Variants in VPS53 observed in about 807,000 individuals in gnomAD.
VPS53 encodes VPS53 subunit of GARP complex.
VPS53 carries 70 observed loss-of-function variants against 107.0 expected under a neutral mutation model. That is an observed-to-expected ratio of 0.65 (90% CI 0.54 to 0.80). The LOEUF is 0.80. Ranked by LOEUF, VPS53 falls within the 30% of genes least tolerant of loss-of-function variation. VPS53 has a pLI of 0.00. For synonymous variants in VPS53, 409 were observed against 393.3 expected, an observed-to-expected ratio of 1.04 and a Z score of -0.47; for missense variants, 917 against 1,049.4, an observed-to-expected ratio of 0.87 and a Z score of 1.74.
chr17:679,839 C>T (rs183263351), intron 4 of VPS53, among the ~76,000 whole-genome samples: 9 of 152,202 alleles, frequency 5.9e-5, no homozygotes, highest in African/African-American at 2.2e-4. Flanking sequence ...TGGGAAGCAT[C>T]CCAGTTTGTT....
chr17:574,354 A>G (rs1033988628), intron 13 of VPS53, among the ~76,000 whole-genome samples: 16 of 152,210 alleles, frequency 1.1e-4, no homozygotes, highest in Non-Finnish European at 1.6e-4. Context: ...TATACTTTGT[A>G]TAAATCAAGG....
chr17:628,304 A>G, intron 8 of VPS53, 73 bp from the exon 9 acceptor site: 4 of 1,556,798 alleles, frequency 2.6e-6, no homozygotes, highest in South Asian at 2.3e-5. Context: ...CACAGCCACT[A>G]CTTGTTATCT....
At chr17:680,020 G>A (rs981427588) in intron 4 of VPS53, among the ~76,000 whole-genome samples, 3 of 151,318 alleles carry the variant, frequency 2.0e-5, no homozygotes, top group East Asian at 1.9e-4. Flanking sequence ...ATGGCTGGGC[G>A]CGGTGGCTCA....
At chr17:681,650 G>T (rs1401132643) in intron 4 of VPS53, among the ~76,000 whole-genome samples, 1 of 152,006 alleles carries the variant, frequency 6.6e-6, no homozygotes, top group Non-Finnish European at 1.5e-5. Flanking sequence ...CCAACTCTTT[G>T]TCTATTTAGG....
At chr17:680,212 T>G (rs1040004734) in intron 4 of VPS53, among the ~76,000 whole-genome samples, 7 of 152,182 alleles carry the variant, frequency 4.6e-5, no homozygotes, top group African/African-American at 1.7e-4. Context: ...GAGAATCGCT[T>G]GAACCCAGGA....
chr17:667,972 A>C (rs538882898), intron 4 of VPS53, among the ~76,000 whole-genome samples: 1 of 152,276 alleles, frequency 6.6e-6, no homozygotes, highest in African/African-American at 2.4e-5. Context: ...TCTGAGGTGG[A>C]ACAGTTTCAT....
At chr17:623,371 C>T (rs1969552798) in intron 11 of VPS53, among the ~76,000 whole-genome samples, 162 bp downstream of exon 11, 1 of 152,178 alleles carries the variant, frequency 6.6e-6, no homozygotes, top group South Asian at 2.1e-4. Flanking sequence ...TAAATCCACA[C>T]AGAGTGTTCT....
intron 17 of VPS53, among the ~76,000 whole-genome samples, chr17:545,508 G>A (rs1244893517): frequency 4.6e-5 from 7 of 152,192 alleles, no homozygotes; most frequent in East Asian, 1.9e-4. Flanking sequence ...TCACAAAGTT[G>A]TCCAAGTTTC....
intron 12 of VPS53, among the ~76,000 whole-genome samples, chr17:592,100 GGATA>G (rs1341693106): frequency 6.6e-6 from 1 of 152,138 alleles, no homozygotes; most frequent in Non-Finnish European, 1.5e-5. Flanking sequence ...TATATATTTA[GGATA>G]GTTAGCTCTT....
intron 13 of VPS53, among the ~76,000 whole-genome samples, chr17:562,967 C>T (rs1597305548): frequency 6.6e-6 from 1 of 152,058 alleles, no homozygotes; most frequent in African/African-American, 2.4e-5. Context: ...ATCTCTAAGT[C>T]GATTGACATT....
In VPS53 at chr17:572,294, A is replaced by C. The variant is rs1358214677; in HGVS notation, c.1314-9549T>G. Among the ~76,000 whole-genome samples, 5 of 127,406 alleles carry C rather than the reference A, an allele frequency of 3.9e-5. No homozygotes were observed. The East Asian group carries it at 9.6e-4, about 25-fold the overall frequency. The allele number at this position is 127,406 out of a possible 152,430, so 83.6% of individuals were successfully genotyped here. A position where few individuals can be genotyped will look rare whatever the true frequency, so the allele number is the denominator to read the frequency against. ...GCCGCCCCATCTGAGAAGGGAGGAG[A>C]CCCTCTGCCCGGCAACCGCCCCGTC... On this transcript the variant is annotated intron_variant, in intron 13 of 21. Transcript: ENST00000437048.
Position 695,804 on chromosome 17 carries a change from G to A in VPS53, c.285+1614C>T, listed in dbSNP as rs138502961. Among the ~76,000 whole-genome samples the A allele has an allele frequency of 4.2e-4, 64 of 152,162 alleles. No individual in the cohort carries two copies. In the Middle Eastern group the frequency reaches 0.01, roughly 24 times the overall value. On this transcript the variant is annotated intron_variant, in intron 4 of 21. Coordinates refer to ENST00000437048, the MANE Select transcript of VPS53 (RefSeq NM_001128159.3). ...TAGGCTCAAGTGATCTCCCCGCCTC[G>A]GCCTCCCAAAGTGTTGGGATTGCAG...
At chr17:698,326 G>A (rs1036254261) in intron 3 of VPS53, among the ~76,000 whole-genome samples, 2 of 151,842 alleles carry the variant, frequency 1.3e-5, no homozygotes, top group African/African-American at 4.8e-5. Flanking sequence ...CCAGCTACTT[G>A]GGTGGCTGAG....
chr17:609,875 A>G (rs1289190566), intron 11 of VPS53, among the ~76,000 whole-genome samples: 2 of 152,128 alleles, frequency 1.3e-5, no homozygotes, highest in African/African-American at 2.4e-5. Context: ...CACGCCTGTA[A>G]TCCCAGCACT....
chr17:540,841 G>A (rs75325838), intron 17 of VPS53, among the ~76,000 whole-genome samples: 2,990 of 152,210 alleles, frequency 0.02, 90 homozygotes, highest in African/African-American at 0.068. Context: ...CAGCTTCTGC[G>A]GCCTGGGCAG....
At chr17:550,464 CA>C (rs1911719093) in intron 17 of VPS53, among the ~76,000 whole-genome samples, 1 of 152,100 alleles carries the variant, frequency 6.6e-6, no homozygotes, top group Non-Finnish European at 1.5e-5. Flanking sequence ...CACTATATTG[CA>C]AAAAGGCAGC....
At chr17:566,339 C>G (rs560313160) in intron 13 of VPS53, among the ~76,000 whole-genome samples, 1 of 152,190 alleles carries the variant, frequency 6.6e-6, no homozygotes, top group Non-Finnish European at 1.5e-5. Flanking sequence ...AGACAGCACT[C>G]CAGCCAGTCA....
intron 4 of VPS53, chr17:685,091 T>C (rs2740365): frequency 0.2 from 30,841 of 152,154 alleles, 3,802 homozygotes; most frequent in Non-Finnish European, 0.28. Context: ...AGAGATGCAA[T>C]GAGAGACAGA....
Position 513,519 on chromosome 17 carries a change from G to A in VPS53, c.*5609C>T, listed in dbSNP as rs1023586687. On this transcript the variant is annotated 3_prime_UTR_variant, in exon 22 of 22. Coordinates refer to ENST00000437048, the MANE Select transcript of VPS53 (RefSeq NM_001128159.3). ...GCTTTTGCTTAAATTGCCCATTGGA[G>A]CTCTATTTTATTTTTAGGAATCTGA... The A allele has an allele frequency of 1.3e-5, 2 of 152,194 alleles. No homozygotes were observed. Among genetic ancestry groups the A allele is most frequent in the African/African-American group, 4.8e-5 (2 of 41,434 alleles). 9.4% of individuals were successfully genotyped at this position (152,194 alleles called of 1,614,324 possible).
Sources: allele counts gnomAD v4.1 joint callset (sites outside exome capture counted in the v4.1 genomes callset), GRCh38; gene constraint gnomAD v4.1.1; transcripts MANE v1.5; gene names NCBI Gene and HGNC (gene_info 2026-07-23, HGNC 2026-07-21).